Variants in GALNT13 observed in about 807,000 individuals in gnomAD.
The protein encoded by GALNT13 is UDP-GalNAc:polypeptide N-acetylgalactosaminyltransferase 13.
Under a neutral mutation model 64.2 loss-of-function variants are expected in GALNT13, and 28 were observed. That is an observed-to-expected ratio of 0.44 (90% CI 0.32 to 0.60). GALNT13 has a LOEUF of 0.60. Among genes scored for constraint, GALNT13 ranks in the 20% least tolerant of loss-of-function variants. The pLI is 0.05. For synonymous variants in GALNT13, 214 were observed against 224.6 expected, an observed-to-expected ratio of 0.95 and a Z score of 0.42; for missense variants, 577 against 669.8, an observed-to-expected ratio of 0.86 and a Z score of 1.53.
At chr2:154,073,017 A>G (rs1461137260) in intron 3 of GALNT13, among the ~76,000 whole-genome samples, 1 of 152,020 alleles carries the variant, frequency 6.6e-6, no homozygotes, top group Non-Finnish European at 1.5e-5. Context: ...AAAACTTTTT[A>G]AAAATAATAA....
intron 3 of GALNT13, among the ~76,000 whole-genome samples, chr2:154,035,212 G>A (rs547650097): frequency 2.6e-5 from 4 of 152,064 alleles, no homozygotes; most frequent in East Asian, 1.9e-4. Flanking sequence ...TGCTCATCTC[G>A]TCTCTTATGG....
the GALNT13 span, among the ~76,000 whole-genome samples, chr2:153,284,463 T>C: frequency 6.6e-6 from 1 of 152,182 alleles, no homozygotes; most frequent in African/African-American, 2.4e-5. Context: ...TGACTGTCTT[T>C]ATATGCACTC....
the GALNT13 span, among the ~76,000 whole-genome samples, chr2:153,754,567 A>T: frequency 1.3e-5 from 2 of 152,106 alleles, no homozygotes; most frequent in African/African-American, 2.4e-5. Context: ...AGTGCAAGAC[A>T]GTCCCCCCAC....
chr2:153,707,064 T>G, the GALNT13 span, among the ~76,000 whole-genome samples: 2 of 152,164 alleles, frequency 1.3e-5, no homozygotes, highest in South Asian at 4.1e-4. Context: ...CGATTTCTCT[T>G]TCTTTGCCTG....
the GALNT13 span, among the ~76,000 whole-genome samples, chr2:153,777,833 G>T: frequency 0.016 from 2,487 of 152,232 alleles, 71 homozygotes; most frequent in East Asian, 0.13. Context: ...ATCCGTAGGT[G>T]GCTTGGGTTA....
chr2:154,026,472 A>G (rs1697972885), intron 3 of GALNT13, among the ~76,000 whole-genome samples: 1 of 152,168 alleles, frequency 6.6e-6, no homozygotes, highest in South Asian at 2.1e-4. Flanking sequence ...ACAGAATATC[A>G]CAGACTGGGT....
intron 1 of GALNT13, among the ~76,000 whole-genome samples, chr2:153,893,530 A>T (rs756264914): frequency 6.6e-5 from 10 of 152,252 alleles, no homozygotes; most frequent in Admixed American, 4.6e-4. Flanking sequence ...TTCACTGTAT[A>T]GTGAATTGTT....
At chr2:153,545,393 C>G in the GALNT13 span, among the ~76,000 whole-genome samples, 1 of 152,182 alleles carries the variant, frequency 6.6e-6, no homozygotes, top group Non-Finnish European at 1.5e-5. Context: ...AGCCACGACT[C>G]AGTCACACAG....
chr2:154,423,564 T>C (rs775338), intron 11 of GALNT13, among the ~76,000 whole-genome samples: 151,284 of 152,298 alleles, frequency 0.99, 75,143 homozygotes, highest in Middle Eastern at 1. Context: ...CACATCCTCT[T>C]CGAGCTGGAC....
intron 8 of GALNT13, among the ~76,000 whole-genome samples, chr2:154,261,952 A>G (rs1690721833): frequency 6.6e-6 from 1 of 152,142 alleles, no homozygotes; most frequent in Non-Finnish European, 1.5e-5. Flanking sequence ...GACTCACCTC[A>G]AGGTATTTTA....
chr2:153,772,073 G>T, the GALNT13 span, among the ~76,000 whole-genome samples: 3 of 152,150 alleles, frequency 2.0e-5, no homozygotes, highest in Non-Finnish European at 4.4e-5. Flanking sequence ...TCTTGTGACT[G>T]GAGAGAGCTG....
At chr2:153,287,051 G>GA in the GALNT13 span, among the ~76,000 whole-genome samples, 1 of 152,066 alleles carries the variant, frequency 6.6e-6, no homozygotes, top group Non-Finnish European at 1.5e-5. Flanking sequence ...AAATTAAAAA[G>GA]AAAATGAGCC....
intron 6 of GALNT13, 56 bp downstream of exon 6, chr2:154,242,961 T>C: frequency 7.5e-7 from 1 of 1,331,352 alleles, no homozygotes; most frequent in Non-Finnish European, 1.1e-6. Context: ...TTAGGACAGT[T>C]CCAGATGTCC....
rs141740672 is a variant in GALNT13, at chr2:153,938,749, C to G, written c.-104-5645C>G. Among the ~76,000 whole-genome samples, 989 of 152,220 alleles carry G rather than the reference C, an allele frequency of 6.5e-3. 8 individuals are homozygous for G. The highest frequency in any genetic ancestry group is 0.022 in the African/African-American group (917 of 41,536). On this transcript the variant is annotated intron_variant, in intron 2 of 12. Transcript: ENST00000392825. ...TCTCTCTGTGTCTTCACATGGTTTT[C>G]CTGTGTCCTAATCTCCTTGAAGGGT...
chr2:154,182,679 G>A (rs997718464), intron 4 of GALNT13, among the ~76,000 whole-genome samples: 12 of 147,936 alleles, frequency 8.1e-5, no homozygotes, highest in Non-Finnish European at 1.6e-4. Flanking sequence ...ATATAATATA[G>A]GATAATATAT....
chr2:153,908,749 A>G (rs1006650495), intron 2 of GALNT13, among the ~76,000 whole-genome samples: 4 of 151,298 alleles, frequency 2.6e-5, no homozygotes, highest in Admixed American at 2.0e-4. Flanking sequence ...CCATTGGCCT[A>G]TATGTCTGCC....
the GALNT13 span, among the ~76,000 whole-genome samples, chr2:153,451,675 T>C: frequency 6.6e-6 from 1 of 152,252 alleles, no homozygotes; most frequent in Non-Finnish European, 1.5e-5. Context: ...GTTTTTGTTT[T>C]GAACTAAAAC....
chr2:153,121,799 G>A, the GALNT13 span, among the ~76,000 whole-genome samples: 2 of 152,164 alleles, frequency 1.3e-5, no homozygotes, highest in South Asian at 2.1e-4. Context: ...CTCCCAAAGT[G>A]CTGGGATTAC....
At chr2:154,197,532 C>G (rs141163501) in intron 4 of GALNT13, among the ~76,000 whole-genome samples, 8 of 151,818 alleles carry the variant, frequency 5.3e-5, no homozygotes, top group African/African-American at 1.7e-4. Context: ...ATAGTCAATT[C>G]CAGATGATTA....
Sources: allele counts gnomAD v4.1 joint callset (sites outside exome capture counted in the v4.1 genomes callset), GRCh38; gene constraint gnomAD v4.1.1; transcripts MANE v1.5; gene names NCBI Gene and HGNC (gene_info 2026-07-23, HGNC 2026-07-21).